MAGI1: variants seen among roughly 807,000 people sequenced by gnomAD.
The protein encoded by MAGI1 is membrane-associated guanylate kinase, WW and PDZ domain-containing protein 1.
Under a neutral mutation model 139.9 loss-of-function variants are expected in MAGI1, and 58 were observed. The ratio of observed to expected loss-of-function variants is 0.41; its 90% CI spans 0.34 to 0.52. MAGI1 has a LOEUF of 0.52. Ranked by LOEUF, MAGI1 falls within the 20% of genes least tolerant of loss-of-function variation. The pLI, the probability that MAGI1 is intolerant of heterozygous loss-of-function variation, is 0.12. For synonymous variants in MAGI1, 812 were observed against 737.9 expected (o/e 1.10, Z -1.63); for missense variants, 1,874 against 1,901.6 (o/e 0.99, Z 0.27).
chr3:65,526,770 C>A (rs1001289188), intron 2 of MAGI1, among the ~76,000 whole-genome samples: 1 of 152,132 alleles, frequency 6.6e-6, no homozygotes, highest in Non-Finnish European at 1.5e-5. Flanking sequence ...AGCATTCCCT[C>A]AACTGACATT....
intron 1 of MAGI1, among the ~76,000 whole-genome samples, chr3:65,896,231 T>A (rs910783176): frequency 6.6e-6 from 1 of 151,668 alleles, no homozygotes. Flanking sequence ...GAAGTCCCAG[T>A]CAAAACTGAA....
chr3:65,669,724 C>T (rs182442375), intron 1 of MAGI1, among the ~76,000 whole-genome samples: 71 of 152,332 alleles, frequency 4.7e-4, no homozygotes, highest in Non-Finnish European at 9.1e-4. Context: ...CAGTTGAAAG[C>T]TCTGCTCTTG....
chr3:65,674,995 G>C (rs2087092570), intron 1 of MAGI1, among the ~76,000 whole-genome samples: 1 of 151,986 alleles, frequency 6.6e-6, no homozygotes, highest in Non-Finnish European at 1.5e-5. Context: ...TGATATTCCA[G>C]AGCTGCACTT....
chr3:65,375,694 CAGAGAGAGAGAAAA>C (rs752794924), intron 18 of MAGI1, 37 bp downstream of exon 18: 1 of 1,390,496 alleles, frequency 7.2e-7, no homozygotes, highest in Non-Finnish European at 1.0e-6. Flanking sequence ...AAGACAGAGA[CAGAGAGAGAGAAAA>C]AGAGAGAGAG....
chr3:65,429,854 G>A lies in MAGI1; in HGVS notation c.1833C>T (p.Ser611=), dbSNP rs201190085. The change falls in exon 12 of 23, where the codon AGC becomes AGT. Residue 611 remains serine (S), a synonymous_variant. Coordinates refer to ENST00000402939, the MANE Select transcript of MAGI1 (RefSeq NM_001033057.2). ...TATTTGAAGCCACGTCCGCTGGGCT[G>A]CTTGGCCTGGCATCCTTCATGCCAT... is the stretch of plus-strand genomic sequence containing the variant. ...KVNGMKDARP[S]SPADVASNSS... is the part of the protein sequence containing the mutation. 83 of 1,613,902 alleles carry A rather than the reference G, an allele frequency of 5.1e-5. No homozygotes were observed. Among genetic ancestry groups the A allele is most frequent in the Admixed American group, 1.2e-4 (7 of 59,960 alleles).
At chr3:65,516,207 G>C (rs2107779327) in intron 2 of MAGI1, among the ~76,000 whole-genome samples, 1 of 151,968 alleles carries the variant, frequency 6.6e-6, no homozygotes, top group Admixed American at 6.5e-5. Context: ...TTGAGATGGA[G>C]TTTTGCTCTG....
At chr3:65,526,072 T>G (rs1445288821) in intron 2 of MAGI1, among the ~76,000 whole-genome samples, 2 of 152,190 alleles carry the variant, frequency 1.3e-5, no homozygotes, top group Non-Finnish European at 2.9e-5. Context: ...CATGGTAAAT[T>G]CTCCACTTCT....
chr3:65,924,034 T>G (rs1007912488), intron 1 of MAGI1, among the ~76,000 whole-genome samples: 7 of 152,180 alleles, frequency 4.6e-5, no homozygotes, highest in African/African-American at 1.7e-4. Flanking sequence ...TATCCAACAT[T>G]ATTTCATCTC....
In MAGI1 at chr3:65,374,771, C is replaced by T. The variant is rs113282924; in HGVS notation, c.3196+974G>A. 2.6e-3 allele frequency among the ~76,000 whole-genome samples: 390 copies of T among 152,240 alleles called. 3 individuals are homozygous for T. The highest frequency in any genetic ancestry group is 9.0e-3 in the African/African-American group (374 of 41,536). ...CTACTCACACCCACTGCAGACAATGCCAATGTTCCCTGGGGGGCAGAATCA... is the reference window on the plus strand; with the variant it reads ...CTACTCACACCCACTGCAGACAATGTCAATGTTCCCTGGGGGGCAGAATCA... On this transcript the variant is annotated intron_variant, in intron 18 of 22. Transcript: ENST00000402939.
chr3:65,609,926 A>C (rs2106921815), intron 2 of MAGI1: 1 of 18,364 alleles, frequency 5.4e-5, no homozygotes. Context: ...TATGACTAGC[A>C]CAAGCAATTG....
chr3:66,011,472 AACACTATGCTGT>A (rs1450646813), intron 1 of MAGI1, among the ~76,000 whole-genome samples: 1 of 152,104 alleles, frequency 6.6e-6, no homozygotes, highest in Admixed American at 6.5e-5. Context: ...ACATGCAGTG[AACACTATGCTGT>A]ACTATGCCAC....
chr3:65,721,395 C>A (rs562191683), intron 1 of MAGI1, among the ~76,000 whole-genome samples: 1 of 152,224 alleles, frequency 6.6e-6, no homozygotes, highest in African/African-American at 2.4e-5. Context: ...AAAAGGGGTG[C>A]TACTGATAAT....
intron 1 of MAGI1, among the ~76,000 whole-genome samples, chr3:65,832,598 C>T (rs2042587537): frequency 6.6e-6 from 1 of 152,006 alleles, no homozygotes; most frequent in African/African-American, 2.4e-5. Flanking sequence ...GCACTCAGCC[C>T]AAAGCTTCTC....
chr3:65,393,058 C>T (rs190257956), intron 13 of MAGI1, among the ~76,000 whole-genome samples: 6 of 152,302 alleles, frequency 3.9e-5, no homozygotes, highest in Admixed American at 2.6e-4. Context: ...CATAATCCCA[C>T]GTCACCATTT....
intron 2 of MAGI1, among the ~76,000 whole-genome samples, chr3:65,497,999 C>G (rs570300677): frequency 6.6e-6 from 1 of 152,114 alleles, no homozygotes; most frequent in Non-Finnish European, 1.5e-5. Flanking sequence ...CTGAGCAGCC[C>G]GCCCTGGGTC....
At chr3:65,611,266 A>AC (rs1340243167) in intron 2 of MAGI1, among the ~76,000 whole-genome samples, 1 of 141,726 alleles carries the variant, frequency 7.1e-6, no homozygotes, top group East Asian at 2.1e-4. Flanking sequence ...TATATAGTAT[A>AC]TATACTATAA....
chr3:65,691,533 T>G lies in MAGI1; in HGVS notation c.314-69445A>C, dbSNP rs574440319. On this transcript the variant is annotated intron_variant, in intron 1 of 22. Coordinates refer to ENST00000402939, the MANE Select transcript of MAGI1 (RefSeq NM_001033057.2). ...ACATAACTTCCTTTTATAATTATTA[T>G]TTTTATTTATTTTTAGCAAGTGTAA... 3.3e-5 allele frequency among the ~76,000 whole-genome samples: 5 copies of G among 152,162 alleles called. No homozygotes were observed. The South Asian group carries it at 1.0e-3, about 32-fold the overall frequency.
chr3:65,679,657 G>A (rs777977993), intron 1 of MAGI1, among the ~76,000 whole-genome samples: 2 of 152,184 alleles, frequency 1.3e-5, no homozygotes, highest in Non-Finnish European at 2.9e-5. Context: ...ACCAGATACA[G>A]GGAGCATCCT....
At chr3:65,920,291 C>A (rs1165605433) in intron 1 of MAGI1, among the ~76,000 whole-genome samples, 1 of 152,160 alleles carries the variant, frequency 6.6e-6, no homozygotes, top group East Asian at 1.9e-4. Context: ...TTCTCAAAGA[C>A]CCCTGTGATA....
Sources: allele counts gnomAD v4.1 joint callset (sites outside exome capture counted in the v4.1 genomes callset), GRCh38; gene constraint gnomAD v4.1.1; transcripts MANE v1.5; gene names NCBI Gene and HGNC (gene_info 2026-07-23, HGNC 2026-07-21).